TSPAN5: variants seen among roughly 807,000 people sequenced by gnomAD.
The protein encoded by TSPAN5 is tetraspanin 5, also known as tetraspanin-5.
In TSPAN5, 10 loss-of-function variants were observed where a neutral mutation model predicts 37.1. That is an observed-to-expected ratio of 0.27 (90% CI 0.17 to 0.46). The LOEUF (loss-of-function observed/expected upper bound fraction) is 0.46, where lower values mean the gene tolerates loss of function less well. Among genes scored for constraint, TSPAN5 ranks in the 20% least tolerant of loss-of-function variants. TSPAN5 has a pLI of 1.00. For missense variants in TSPAN5, 195 were observed against 326.6 expected (o/e 0.60, Z 3.11); for synonymous variants, 110 against 118.9 (o/e 0.93, Z 0.48).
intron 2 of TSPAN5, among the ~76,000 whole-genome samples, chr4:98,504,831 C>T (rs1054281625): frequency 6.6e-6 from 1 of 151,966 alleles, no homozygotes; most frequent in Non-Finnish European, 1.5e-5. Flanking sequence ...GTCTGTTTAC[C>T]CCTGTCTTAG....
At chr4:98,566,462 C>T (rs1016681411) in intron 1 of TSPAN5, among the ~76,000 whole-genome samples, 1 of 152,122 alleles carries the variant, frequency 6.6e-6, no homozygotes, top group African/African-American at 2.4e-5. Flanking sequence ...GGGATGTATG[C>T]TGACAACCTC....
chr4:98,570,159 A>C (rs1046632762), intron 1 of TSPAN5, among the ~76,000 whole-genome samples: 1 of 152,230 alleles, frequency 6.6e-6, no homozygotes, highest in Non-Finnish European at 1.5e-5. Flanking sequence ...AATTCATGGA[A>C]ATGTTGATTT....
chr4:98,645,850 T>A (rs1027059869), intron 1 of TSPAN5, among the ~76,000 whole-genome samples: 3 of 152,238 alleles, frequency 2.0e-5, no homozygotes, highest in Admixed American at 6.5e-5. Context: ...CTTCTGTTCC[T>A]GTTGTGCTAC....
chr4:98,517,581 C>T (rs1483430608), intron 1 of TSPAN5, among the ~76,000 whole-genome samples: 2 of 152,028 alleles, frequency 1.3e-5, no homozygotes, highest in African/African-American at 4.8e-5. Context: ...GTCTTGTTTG[C>T]AAACTCTTTT....
At chr4:98,550,242 G>C (rs1490016209) in intron 1 of TSPAN5, among the ~76,000 whole-genome samples, 2 of 152,018 alleles carry the variant, frequency 1.3e-5, no homozygotes, top group African/African-American at 4.8e-5. Flanking sequence ...ACTGATCTAT[G>C]TGTCTATTTT....
At chr4:98,523,689 T>C (rs1014804567) in intron 1 of TSPAN5, among the ~76,000 whole-genome samples, 2 of 152,224 alleles carry the variant, frequency 1.3e-5, no homozygotes, top group African/African-American at 2.4e-5. Context: ...TCCACCTGCC[T>C]CGGCCTCCCA....
intron 1 of TSPAN5, among the ~76,000 whole-genome samples, chr4:98,620,046 T>C (rs1485547592): frequency 5.3e-5 from 8 of 152,180 alleles, no homozygotes; most frequent in Non-Finnish European, 2.9e-5. Flanking sequence ...TTGGGCAGTT[T>C]TTAAACATGG....
intron 1 of TSPAN5, among the ~76,000 whole-genome samples, chr4:98,538,936 CT>C (rs1223504966): frequency 2.6e-5 from 4 of 152,082 alleles, no homozygotes; most frequent in Non-Finnish European, 4.4e-5. Flanking sequence ...AAAAAAAGCT[CT>C]GCCGTGTCTG....
At position 98,482,204 on chromosome 4, in the gene TSPAN5, C is replaced by T. The variant is rs115348235; in HGVS notation, c.280-29G>A. On this transcript the variant is annotated intron_variant, in intron 3 of 7. Coordinates refer to ENST00000305798, the MANE Select transcript of TSPAN5 (RefSeq NM_005723.4). ...AGATAAAAGACACATACACAGAGAA[C>T]AGTTATAAGGGCTATTTTGATCATA... 2.4e-4 allele frequency: 386 copies of T among 1,607,208 alleles called. 1 individual carries two copies. In the African/African-American group the frequency reaches 4.3e-3, roughly 18 times the overall value.
At chr4:98,642,618 A>G (rs1445686680) in intron 1 of TSPAN5, among the ~76,000 whole-genome samples, 2 of 152,146 alleles carry the variant, frequency 1.3e-5, no homozygotes, top group Non-Finnish European at 2.9e-5. Context: ...AAGAGAGCAC[A>G]TATCTACAGT....
intron 1 of TSPAN5, among the ~76,000 whole-genome samples, chr4:98,622,746 T>G (rs559951182): frequency 1.3e-5 from 2 of 152,244 alleles, no homozygotes; most frequent in Non-Finnish European, 2.9e-5. Context: ...AGTTAAACTT[T>G]GAGACTCAGC....
chr4:98,611,159 A>G (rs1384082049), intron 1 of TSPAN5, among the ~76,000 whole-genome samples: 8 of 152,194 alleles, frequency 5.3e-5, no homozygotes, highest in Non-Finnish European at 1.2e-4. Context: ...GACACACTGT[A>G]CTACTCAGGG....
intron 1 of TSPAN5, among the ~76,000 whole-genome samples, chr4:98,542,342 G>A (rs1053702534): frequency 6.6e-6 from 1 of 152,136 alleles, no homozygotes; most frequent in African/African-American, 2.4e-5. Flanking sequence ...TACTGTGCAA[G>A]CATTATATAA....
At chr4:98,563,431 G>A (rs1394985340) in intron 1 of TSPAN5, among the ~76,000 whole-genome samples, 1 of 152,098 alleles carries the variant, frequency 6.6e-6, no homozygotes, top group African/African-American at 2.4e-5. Context: ...GAAATATCAG[G>A]AACTTCCTGA....
chr4:98,499,243 A>G (rs1005167155), intron 2 of TSPAN5, among the ~76,000 whole-genome samples: 2 of 152,260 alleles, frequency 1.3e-5, no homozygotes, highest in African/African-American at 2.4e-5. Context: ...GGCGGTGGGC[A>G]GAGGCATCTG....
chr4:98,513,620 T>C (rs1237264827), intron 1 of TSPAN5, among the ~76,000 whole-genome samples: 1 of 152,096 alleles, frequency 6.6e-6, no homozygotes, highest in East Asian at 1.9e-4. Context: ...CTACAGAGAC[T>C]ATGGCTCTTC....
chr4:98,598,709 A>G (rs9997807), intron 1 of TSPAN5, among the ~76,000 whole-genome samples: 26,394 of 151,916 alleles, frequency 0.17, 3,144 homozygotes, highest in African/African-American at 0.35. Context: ...CGATCCATCC[A>G]CCTCAGCCTC....
rs372783852 is a variant in TSPAN5, at chr4:98,572,867, T to C, written c.82-65139A>G. Among the ~76,000 whole-genome samples the C allele has an allele frequency of 2.1e-4, 32 of 152,354 alleles. 2 individuals are homozygous for C. The highest frequency in any genetic ancestry group is 3.1e-4 in the African/African-American group (13 of 41,596). The stretch of plus-strand genomic sequence containing the variant: ...CTAGTGTGACAATGAACAGTCCAGA[T>C]TGTCTAACTCATGAGAAAGGGCCAT... On this transcript the variant is annotated intron_variant, in intron 1 of 7. Transcript: ENST00000305798.
chr4:98,567,701 G>A (rs1755036084), intron 1 of TSPAN5, among the ~76,000 whole-genome samples: 2 of 152,192 alleles, frequency 1.3e-5, no homozygotes, highest in Non-Finnish European at 2.9e-5. Flanking sequence ...AGACACAAAA[G>A]GAGAGAGAGG....
Sources: allele counts gnomAD v4.1 joint callset (sites outside exome capture counted in the v4.1 genomes callset), GRCh38; gene constraint gnomAD v4.1.1; transcripts MANE v1.5; gene names NCBI Gene and HGNC (gene_info 2026-07-23, HGNC 2026-07-21).